SPECC1L: variants seen among roughly 807,000 people sequenced by gnomAD.
The protein encoded by SPECC1L is sperm antigen with calponin homology and coiled-coil domains 1 like.
SPECC1L carries 40 observed loss-of-function variants against 116.8 expected under a neutral mutation model. The ratio of observed to expected loss-of-function variants is 0.34; its 90% CI spans 0.27 to 0.45. The LOEUF is 0.45. Among genes scored for constraint, SPECC1L ranks in the 20% least tolerant of loss-of-function variants. SPECC1L has a pLI of 1.00. For missense variants in SPECC1L, 1,110 were observed against 1,373.6 expected (o/e 0.81, Z 3.03); for synonymous variants, 504 against 500.6 (o/e 1.01, Z -0.09).
In SPECC1L at chr22:24,385,462, G is replaced by T. The variant is rs148376553; in HGVS notation, c.3087+16142G>T. 1.8e-4 allele frequency among the ~76,000 whole-genome samples: 28 copies of T among 152,248 alleles called. No homozygotes were observed. In the East Asian group the frequency reaches 4.8e-3, roughly 26 times the overall value. On this transcript the variant is annotated intron_variant, in intron 14 of 16. Coordinates refer to ENST00000314328, the MANE Select transcript of SPECC1L (RefSeq NM_015330.6). ...ACTCAACCATGATTTGTGTATAAGA[G>T]ACCCACTTTAAATGGAAAGACTGAA...
chr22:24,314,816 G>A (rs966905744), intron 4 of SPECC1L, among the ~76,000 whole-genome samples: 2 of 152,232 alleles, frequency 1.3e-5, no homozygotes. Flanking sequence ...GTGGTGGTGT[G>A]TCCACCCATC....
intron 14 of SPECC1L, among the ~76,000 whole-genome samples, chr22:24,405,321 T>C (rs1464814359): frequency 6.6e-6 from 1 of 151,904 alleles, no homozygotes; most frequent in Non-Finnish European, 1.5e-5. Flanking sequence ...TATTGCTCCA[T>C]GTGCAGCAAC....
intron 15 of SPECC1L, among the ~76,000 whole-genome samples, 168 bp downstream of exon 15, chr22:24,411,872 C>G (rs1053376941): frequency 6.6e-6 from 1 of 152,262 alleles, no homozygotes; most frequent in African/African-American, 2.4e-5. Context: ...CCCACCAGTC[C>G]CTGTCCCACC....
At chr22:24,311,018 A>G (rs965516143) in intron 3 of SPECC1L, among the ~76,000 whole-genome samples, 1 of 152,134 alleles carries the variant, frequency 6.6e-6, no homozygotes, top group African/African-American at 2.4e-5. Flanking sequence ...TTTTCTGGAA[A>G]ACTCTTGTTT....
intron 14 of SPECC1L, among the ~76,000 whole-genome samples, chr22:24,391,889 G>A (rs941952180): frequency 3.3e-5 from 5 of 152,278 alleles, no homozygotes; most frequent in African/African-American, 1.2e-4. Context: ...TAATAAAATG[G>A]TTTGTTTGCC....
chr22:24,398,697 G>C (rs1451053430), intron 14 of SPECC1L, among the ~76,000 whole-genome samples: 1 of 152,112 alleles, frequency 6.6e-6, no homozygotes, highest in Non-Finnish European at 1.5e-5. Context: ...AGACACAATT[G>C]GTGACATTTG....
At chr22:24,340,673 T>A (rs139678364) in intron 10 of SPECC1L, among the ~76,000 whole-genome samples, 2 of 152,202 alleles carry the variant, frequency 1.3e-5, no homozygotes, top group African/African-American at 2.4e-5. Context: ...CTAATACTTA[T>A]GAGCTACATT....
Position 24,306,150 on chromosome 22 carries a change from A to G in SPECC1L, c.153+3766A>G, listed in dbSNP as rs181662430. ...TTGAACTCCCGACCTCAGGTCATCC[A>G]CCCACCTCGGCCTCCCAAAGTGCTG... On this transcript the variant is annotated intron_variant, in intron 3 of 16. Coordinates refer to ENST00000314328, the MANE Select transcript of SPECC1L (RefSeq NM_015330.6). Among the ~76,000 whole-genome samples, 1,183 of 151,872 alleles carry G rather than the reference A, an allele frequency of 7.8e-3. 9 individuals are homozygous for G. Among genetic ancestry groups the G allele is most frequent in the South Asian group, 0.024 (115 of 4,810 alleles).
chr22:24,404,445 C>G (rs1193022907), intron 14 of SPECC1L, among the ~76,000 whole-genome samples: 1 of 152,216 alleles, frequency 6.6e-6, no homozygotes, highest in East Asian at 1.9e-4. Flanking sequence ...CTCCAGGGAG[C>G]TCTGCCTCTG....
At chr22:24,324,513 G>T in intron 6 of SPECC1L, 86 bp downstream of exon 6, 1 of 1,245,152 alleles carries the variant, frequency 8.0e-7, no homozygotes. Context: ...AAATAGGGCT[G>T]GGCACGGTGG....
chr22:24,357,003 TA>T (rs2041546724), intron 11 of SPECC1L, among the ~76,000 whole-genome samples: 1 of 151,584 alleles, frequency 6.6e-6, no homozygotes, highest in Non-Finnish European at 1.5e-5. Flanking sequence ...AAAATGCCTC[TA>T]ATTTTTGGTT....
At chr22:24,328,736 T>C (rs1157259152) in intron 6 of SPECC1L, 110 bp from the exon 7 acceptor site, 5 of 802,712 alleles carry the variant, frequency 6.2e-6, no homozygotes, top group Non-Finnish European at 2.1e-6. Flanking sequence ...TTATAGTCTT[T>C]GGACAGGATA....
At chr22:24,293,470 G>A (rs1019849692) in intron 2 of SPECC1L, among the ~76,000 whole-genome samples, 4 of 151,976 alleles carry the variant, frequency 2.6e-5, no homozygotes, top group African/African-American at 7.3e-5. Context: ...AAAATAAAAG[G>A]GGGGAAAAAG....
At chr22:24,297,798 G>A (rs758069238) in intron 2 of SPECC1L, among the ~76,000 whole-genome samples, 15 of 152,228 alleles carry the variant, frequency 9.9e-5, no homozygotes, top group Admixed American at 6.5e-5. Flanking sequence ...CACTTTGTCC[G>A]ATGTATCCAT....
Position 24,417,640 on chromosome 22 carries a change from C to T in SPECC1L, c.*3017C>T, listed in dbSNP as rs1338498919. The T allele has an allele frequency of 6.6e-6, 1 of 152,180 alleles. No individual in the cohort carries two copies. The highest frequency in any genetic ancestry group is 1.5e-5 in the Non-Finnish European group (1 of 68,064). The allele number at this position is 152,180 out of a possible 1,614,324, so 9.4% of individuals were successfully genotyped here. A position where few individuals can be genotyped will look rare whatever the true frequency, so the allele number is the denominator to read the frequency against. On this transcript the variant is annotated 3_prime_UTR_variant, in exon 17 of 17. Coordinates refer to ENST00000314328, the MANE Select transcript of SPECC1L (RefSeq NM_015330.6). ...TCGAGGGGTTTTGTTTGTTTTGAGG[C>T]ATGTATCATCTTGGAAATAATTGTC...
chr22:24,292,122 G>A (rs748220486), intron 2 of SPECC1L, among the ~76,000 whole-genome samples: 5 of 152,126 alleles, frequency 3.3e-5, no homozygotes, highest in Non-Finnish European at 5.9e-5. Flanking sequence ...CCTGTGCCAG[G>A]GCTGAAGGTG....
chr22:24,403,992 C>G (rs1337570699), intron 14 of SPECC1L, among the ~76,000 whole-genome samples: 1 of 152,214 alleles, frequency 6.6e-6, no homozygotes, highest in African/African-American at 2.4e-5. Context: ...TTGCTCTTCC[C>G]TTTATTCGCC....
At chr22:24,370,037 C>T (rs1042204733) in intron 14 of SPECC1L, among the ~76,000 whole-genome samples, 1 of 152,168 alleles carries the variant, frequency 6.6e-6, no homozygotes, top group South Asian at 2.1e-4. Flanking sequence ...AAGTACAACA[C>T]AAAAAGGGAA....
chr22:24,308,125 A>C (rs1186388292), intron 3 of SPECC1L, among the ~76,000 whole-genome samples: 1 of 152,088 alleles, frequency 6.6e-6, no homozygotes, highest in Non-Finnish European at 1.5e-5. Context: ...TTACTGCTGA[A>C]TATTTCAGTG....
Sources: allele counts gnomAD v4.1 joint callset (sites outside exome capture counted in the v4.1 genomes callset), GRCh38; gene constraint gnomAD v4.1.1; transcripts MANE v1.5; gene names NCBI Gene and HGNC (gene_info 2026-07-23, HGNC 2026-07-21).